GPC6: variants seen among roughly 807,000 people sequenced by gnomAD.
GPC6 encodes glypican 6.
Under a neutral mutation model 55.2 loss-of-function variants are expected in GPC6, and 14 were observed. The observed-to-expected ratio is 0.25, with a 90% CI of 0.17 to 0.40. GPC6 has a LOEUF of 0.40. Among genes scored for constraint, GPC6 ranks in the 10% least tolerant of loss-of-function variants. The pLI, the probability that GPC6 is intolerant of heterozygous loss-of-function variation, is 1.00. For synonymous variants in GPC6, 278 were observed against 259.6 expected (o/e 1.07, Z -0.68); for missense variants, 641 against 708.5 (o/e 0.90, Z 1.08).
chr13:93,415,476 G>A (rs749250171), intron 1 of GPC6, among the ~76,000 whole-genome samples: 2 of 152,008 alleles, frequency 1.3e-5, no homozygotes, highest in African/African-American at 4.8e-5. Flanking sequence ...TTTTAGAAAT[G>A]TATAATTCTC....
intron 6 of GPC6, among the ~76,000 whole-genome samples, chr13:94,327,483 G>GA (rs1478477739): frequency 1.3e-5 from 2 of 151,336 alleles, no homozygotes; most frequent in South Asian, 2.2e-4. Flanking sequence ...CACAACACAG[G>GA]AAAAATGGTG....
Position 94,348,112 on chromosome 13 carries a change from G to C in GPC6, c.1153-34302G>C, listed in dbSNP as rs143414684. Among the ~76,000 whole-genome samples the C allele has an allele frequency of 2.8e-3, 419 of 152,294 alleles. 2 individuals are homozygous for C. Among genetic ancestry groups the C allele is most frequent in the African/African-American group, 9.1e-3 (380 of 41,556 alleles). Reference sequence around the variant, plus strand: ...ATTTCTAACTTCCCCTGCCCGACTGGTTGGTTGAATGGGTTTCTTTTAGCC... The same window carrying C: ...ATTTCTAACTTCCCCTGCCCGACTGCTTGGTTGAATGGGTTTCTTTTAGCC... On this transcript the variant is annotated intron_variant, in intron 6 of 8. Transcript: ENST00000377047.
intron 2 of GPC6, among the ~76,000 whole-genome samples, chr13:93,678,313 T>G (rs1256753201): frequency 6.6e-6 from 1 of 152,208 alleles, no homozygotes; most frequent in Non-Finnish European, 1.5e-5. Context: ...AGATATAGCA[T>G]AGTCTCTTTT....
chr13:93,420,029 A>AAC (rs3076803), intron 1 of GPC6, among the ~76,000 whole-genome samples: 2 of 151,936 alleles, frequency 1.3e-5, no homozygotes, highest in East Asian at 1.9e-4. Flanking sequence ...ATCCAACCCC[A>AAC]ACACACACAC....
chr13:94,151,865 T>C (rs1887755402), intron 4 of GPC6, among the ~76,000 whole-genome samples: 1 of 152,192 alleles, frequency 6.6e-6, no homozygotes. Flanking sequence ...ACATAAAGTC[T>C]AGTGGAAATA....
At chr13:94,236,322 A>G (rs1395547263) in intron 4 of GPC6, among the ~76,000 whole-genome samples, 1 of 151,458 alleles carries the variant, frequency 6.6e-6, no homozygotes. Context: ...TGTTCTATAA[A>G]CCTGTAATCA....
chr13:94,281,531 A>G (rs1892381961), intron 4 of GPC6, among the ~76,000 whole-genome samples: 1 of 152,194 alleles, frequency 6.6e-6, no homozygotes, highest in Non-Finnish European at 1.5e-5. Flanking sequence ...TTCTGATTTT[A>G]TGTCTCTTTT....
chr13:93,499,339 G>T (rs1880438486), intron 1 of GPC6, among the ~76,000 whole-genome samples: 1 of 152,168 alleles, frequency 6.6e-6, no homozygotes, highest in African/African-American at 2.4e-5. Flanking sequence ...TCATAAAAGG[G>T]AGTTTGTTAG....
chr13:93,283,521 A>G (rs577031037), intron 1 of GPC6, among the ~76,000 whole-genome samples: 2 of 152,246 alleles, frequency 1.3e-5, no homozygotes, highest in South Asian at 4.1e-4. Flanking sequence ...CATATGACAA[A>G]TGGTCTCACC....
chr13:93,536,769 A>G (rs1373994421), intron 1 of GPC6, among the ~76,000 whole-genome samples: 1 of 152,186 alleles, frequency 6.6e-6, no homozygotes, highest in Non-Finnish European at 1.5e-5. Flanking sequence ...TGATTTAGTT[A>G]ATACTTTTTG....
At chr13:94,068,646 A>G (rs922089884) in intron 4 of GPC6, among the ~76,000 whole-genome samples, 2 of 152,218 alleles carry the variant, frequency 1.3e-5, no homozygotes, top group Admixed American at 1.3e-4. Context: ...GAGTACAGGT[A>G]TTGGGTAAAT....
Position 94,272,509 on chromosome 13 carries a change from C to T in GPC6, c.878-13840C>T, listed in dbSNP as rs1485776162. On this transcript the variant is annotated intron_variant, in intron 4 of 8. Coordinates refer to ENST00000377047, the MANE Select transcript of GPC6 (RefSeq NM_005708.5). Reference sequence around the variant, plus strand: ...TTTGAAACAGAGTCTCACTCTGTTGCCCAGGCTGGAGTGCAGTGGTGCCAT... The same window carrying T: ...TTTGAAACAGAGTCTCACTCTGTTGTCCAGGCTGGAGTGCAGTGGTGCCAT... Among the ~76,000 whole-genome samples, 10 of 131,170 alleles carry T rather than the reference C, an allele frequency of 7.6e-5. 1 individual carries two copies. The highest frequency in any genetic ancestry group is 6.3e-4 in the Admixed American group (7 of 11,186). The allele number at this position is 131,170 out of a possible 152,430, so 86.1% of individuals were successfully genotyped here. A position where few individuals can be genotyped will look rare whatever the true frequency, so the allele number is the denominator to read the frequency against.
chr13:93,855,318 A>G (rs1024517857), intron 3 of GPC6, among the ~76,000 whole-genome samples: 3 of 151,612 alleles, frequency 2.0e-5, no homozygotes, highest in Non-Finnish European at 4.4e-5. Context: ...ACTTAGTCAT[A>G]TGTTTGTGAG....
intron 1 of GPC6, among the ~76,000 whole-genome samples, chr13:93,253,828 G>A (rs181770092): frequency 2.0e-5 from 3 of 152,154 alleles, no homozygotes; most frequent in Admixed American, 2.0e-4. Flanking sequence ...TTAGGAAATG[G>A]TATATAACTA....
rs189330425 is a variant in GPC6, at chr13:93,430,308, T to C, written c.161-114955T>C. Among the ~76,000 whole-genome samples the C allele has an allele frequency of 1.1e-3, 171 of 148,814 alleles. No homozygotes were observed. The East Asian group carries it at 0.023, about 20-fold the overall frequency. On this transcript the variant is annotated intron_variant, in intron 1 of 8. Coordinates refer to ENST00000377047, the MANE Select transcript of GPC6 (RefSeq NM_005708.5). Reference sequence around the variant, plus strand: ...ATTAAGAATAGAGAGAGTTCCTTTTTATCTTTAACATTATTATACTTTGAG... The same window carrying C: ...ATTAAGAATAGAGAGAGTTCCTTTTCATCTTTAACATTATTATACTTTGAG...
intron 3 of GPC6, among the ~76,000 whole-genome samples, chr13:93,935,286 TC>T (rs1275915544): frequency 6.6e-6 from 1 of 152,174 alleles, no homozygotes; most frequent in Non-Finnish European, 1.5e-5. Context: ...CTTTTGGAGT[TC>T]CCATTGTCTA....
chr13:94,153,029 T>C (rs1374115411), intron 4 of GPC6, among the ~76,000 whole-genome samples: 1 of 152,140 alleles, frequency 6.6e-6, no homozygotes, highest in Non-Finnish European at 1.5e-5. Flanking sequence ...CAAAGGATTC[T>C]ATGGGACCCT....
chr13:93,941,394 T>C (rs1001585893), intron 3 of GPC6, among the ~76,000 whole-genome samples: 1 of 152,190 alleles, frequency 6.6e-6, no homozygotes, highest in Non-Finnish European at 1.5e-5. Context: ...ACTCAAAAAT[T>C]CACTGATATT....
At chr13:93,827,135 A>C (rs1267222715) in intron 2 of GPC6, among the ~76,000 whole-genome samples, 1 of 152,192 alleles carries the variant, frequency 6.6e-6, no homozygotes, top group Non-Finnish European at 1.5e-5. Context: ...TTTTGCAGAT[A>C]AAAATTTTTG....
Sources: gnomAD v4.1 joint callset for allele counts (sites outside exome capture counted in the v4.1 genomes callset) on GRCh38, gnomAD v4.1.1 for gene constraint, MANE v1.5 for transcripts, NCBI Gene and HGNC (gene_info 2026-07-23, HGNC 2026-07-21) for gene names.